The following CDH2 variants were observed in gnomAD, a reference collection of about 807,000 sequenced individuals.
CDH2 encodes the protein cadherin-2.
Under a neutral mutation model 92.0 loss-of-function variants are expected in CDH2, and 17 were observed. That is an observed-to-expected ratio of 0.18 (90% CI 0.13 to 0.28). The LOEUF (loss-of-function observed/expected upper bound fraction) is 0.28. Ranked by LOEUF, CDH2 falls within the 10% of genes least tolerant of loss-of-function variation. The pLI, the probability that CDH2 is intolerant of heterozygous loss-of-function variation, is 1.00. For missense variants in CDH2, 862 were observed against 1,133.1 expected (o/e 0.76, Z 3.44); for synonymous variants, 419 against 415.9 (o/e 1.01, Z -0.09).
At chr18:28,111,958 T>A (rs17494718) in intron 2 of CDH2, among the ~76,000 whole-genome samples, 2,204 of 152,324 alleles carry the variant, frequency 0.014, 54 homozygotes, top group African/African-American at 0.051. Flanking sequence ...TCATTTTTTA[T>A]AGATTTTCTT....
intron 6 of CDH2, among the ~76,000 whole-genome samples, chr18:27,940,795 A>C (rs1193676199): frequency 3.3e-5 from 5 of 152,216 alleles, no homozygotes; most frequent in Admixed American, 3.3e-4. Flanking sequence ...TTGTCACACC[A>C]TTTAATAATT....
intron 2 of CDH2, among the ~76,000 whole-genome samples, chr18:28,064,496 G>C (rs1412903014): frequency 2.0e-5 from 3 of 149,982 alleles, no homozygotes; most frequent in Non-Finnish European, 4.4e-5. Flanking sequence ...AAGCCTATGG[G>C]GTCATACCAG....
At chr18:28,081,139 C>A (rs1209260891) in intron 2 of CDH2, among the ~76,000 whole-genome samples, 2 of 152,178 alleles carry the variant, frequency 1.3e-5, no homozygotes. Context: ...TACACAGAGT[C>A]TCATCATTCA....
chr18:28,057,604 T>C (rs1176334383), intron 2 of CDH2, among the ~76,000 whole-genome samples: 2 of 151,926 alleles, frequency 1.3e-5, no homozygotes, highest in Non-Finnish European at 2.9e-5. Flanking sequence ...GAGGCGGCAG[T>C]TGCAGTGAGC....
At chr18:28,022,046 CAGTA>C (rs1404652843) in intron 2 of CDH2, among the ~76,000 whole-genome samples, 7 of 151,964 alleles carry the variant, frequency 4.6e-5, no homozygotes, top group African/African-American at 9.7e-5. Context: ...ACTGCCACAA[CAGTA>C]AGTGTTTCAC....
chr18:28,083,726 T>C (rs1420528171), intron 2 of CDH2, among the ~76,000 whole-genome samples: 2 of 152,182 alleles, frequency 1.3e-5, no homozygotes, highest in Non-Finnish European at 2.9e-5. Context: ...TTAAGGTCGA[T>C]TGAAAATATA....
intron 2 of CDH2, among the ~76,000 whole-genome samples, chr18:28,130,209 T>C (rs1568009727): frequency 6.6e-6 from 1 of 152,272 alleles, no homozygotes; most frequent in East Asian, 1.9e-4. Context: ...TGAAGGACTG[T>C]GGGCATGAGC....
chr18:28,039,538 C>T (rs2013907742), intron 2 of CDH2, among the ~76,000 whole-genome samples: 1 of 152,146 alleles, frequency 6.6e-6, no homozygotes, highest in East Asian at 1.9e-4. Flanking sequence ...CTAGGTCCCA[C>T]AACTGTCAGA....
chr18:28,057,420 C>T (rs1000430969), intron 2 of CDH2, among the ~76,000 whole-genome samples: 1 of 152,190 alleles, frequency 6.6e-6, no homozygotes, highest in Non-Finnish European at 1.5e-5. Flanking sequence ...AATCCCAACA[C>T]TTCAGGAGGC....
intron 1 of CDH2, among the ~76,000 whole-genome samples, chr18:28,148,274 G>A (rs1431097468): frequency 6.6e-6 from 1 of 151,988 alleles, no homozygotes; most frequent in South Asian, 2.1e-4. Flanking sequence ...TTACAACAGT[G>A]GGACAGATAA....
intron 2 of CDH2, among the ~76,000 whole-genome samples, chr18:28,075,624 C>A (rs1433303945): frequency 6.6e-6 from 1 of 152,174 alleles, no homozygotes; most frequent in Non-Finnish European, 1.5e-5. Flanking sequence ...ACAGAAAAGG[C>A]TGGTATCCCA....
intron 6 of CDH2, among the ~76,000 whole-genome samples, chr18:28,004,144 A>AT (rs1165083486): frequency 6.6e-6 from 1 of 151,908 alleles, no homozygotes; most frequent in African/African-American, 2.4e-5. Context: ...CTACACCCTT[A>AT]TTTTTTCAAA....
At chr18:28,158,782 A>G (rs1433582465) in intron 1 of CDH2, among the ~76,000 whole-genome samples, 1 of 152,226 alleles carries the variant, frequency 6.6e-6, no homozygotes. Context: ...ATACCTTAAC[A>G]GAGAAAATTC....
chr18:27,992,727 G>A lies in CDH2; in HGVS notation c.1272C>T (p.Gly424=), dbSNP rs765476177. 3.7e-6 allele frequency: 6 copies of A among 1,613,964 alleles called. No homozygotes were observed. The highest frequency in any genetic ancestry group is 2.2e-5 in the South Asian group (2 of 91,066). Residue 424 remains glycine (G), a synonymous_variant, in exon 9 of 16, where the codon GGC becomes GGT. Coordinates refer to ENST00000269141, the MANE Select transcript of CDH2 (RefSeq NM_001792.5). ...PAWNAVYRIS[G]GDPTGRFAIQ... is the part of the protein sequence containing the mutation. ...TGGCGAACCGTCCAGTAGGATCTCC[G>A]CCACTGATTCTGTACACTGCGTTCC...
At chr18:28,022,225 A>G (rs765531102) in intron 2 of CDH2, among the ~76,000 whole-genome samples, 5 of 152,012 alleles carry the variant, frequency 3.3e-5, no homozygotes, top group Non-Finnish European at 7.4e-5. Flanking sequence ...TTGCCATGTC[A>G]GGGCTTACCA....
intron 2 of CDH2, chr18:28,045,624 C>T (rs1268845150): frequency 3.3e-6 from 1 of 302,682 alleles, no homozygotes; most frequent in Non-Finnish European, 6.5e-6. Flanking sequence ...GGCTACTCAT[C>T]TTTTAAGGGT....
At chr18:28,142,572 C>CA (rs11455304) in intron 2 of CDH2, among the ~76,000 whole-genome samples, 10,801 of 150,890 alleles carry the variant, frequency 0.072, 1,260 homozygotes, top group African/African-American at 0.24. Flanking sequence ...TAAAAACAAA[C>CA]AAAAAATACC....
intron 2 of CDH2, among the ~76,000 whole-genome samples, chr18:28,088,358 G>A (rs1274552569): frequency 1.3e-5 from 2 of 152,110 alleles, no homozygotes; most frequent in East Asian, 1.9e-4. Flanking sequence ...TAAAACATAC[G>A]TAAGCCCTGA....
chr18:28,038,051 GAA>G (rs1316277599), intron 2 of CDH2, among the ~76,000 whole-genome samples: 1 of 152,152 alleles, frequency 6.6e-6, no homozygotes, highest in East Asian at 1.9e-4. Flanking sequence ...GAAAAGAATA[GAA>G]ACAGGTTAAA....
Sources: allele counts gnomAD v4.1 joint callset (sites outside exome capture counted in the v4.1 genomes callset), GRCh38; gene constraint gnomAD v4.1.1; transcripts MANE v1.5; gene names NCBI Gene and HGNC (gene_info 2026-07-23, HGNC 2026-07-21).